DNAH9: variants seen among roughly 807,000 people sequenced by gnomAD.
The protein encoded by DNAH9 is dynein axonemal heavy chain 9, also known as DNAH9 variant protein.
DNAH9 carries 345 observed loss-of-function variants against 471.6 expected under a neutral mutation model. The ratio of observed to expected loss-of-function variants is 0.73; its 90% CI spans 0.67 to 0.80. The LOEUF (loss-of-function observed/expected upper bound fraction) is 0.80, where lower values mean the gene tolerates loss of function less well. Among genes scored for constraint, DNAH9 ranks in the 30% least tolerant of loss-of-function variants. The pLI is 0.00. For synonymous variants in DNAH9, 2,093 were observed against 2,123.6 expected (o/e 0.99, Z 0.40); for missense variants, 5,407 against 5,609.2 (o/e 0.96, Z 1.15).
At chr17:11,909,619 CT>C (rs1379844374) in intron 61 of DNAH9, among the ~76,000 whole-genome samples, 1 of 152,068 alleles carries the variant, frequency 6.6e-6, no homozygotes, top group African/African-American at 2.4e-5. Context: ...GAATAAAAAT[CT>C]TTCAGTGGCA....
chr17:11,645,672 T>G (rs2073368474), intron 11 of DNAH9, among the ~76,000 whole-genome samples: 1 of 152,094 alleles, frequency 6.6e-6, no homozygotes, highest in Non-Finnish European at 1.5e-5. Flanking sequence ...GTTTCAAGCA[T>G]GCTGTTTCTC....
chr17:11,761,432 T>G (rs1308678867), intron 35 of DNAH9, among the ~76,000 whole-genome samples: 4 of 152,188 alleles, frequency 2.6e-5, no homozygotes, highest in African/African-American at 9.6e-5. Context: ...TTTTGGGAGC[T>G]CCTTGGCTCC....
intron 17 of DNAH9, among the ~76,000 whole-genome samples, chr17:11,672,468 G>A (rs2073987274): frequency 6.6e-6 from 1 of 152,124 alleles, no homozygotes; most frequent in African/African-American, 2.4e-5. Context: ...GTAAGGTATG[G>A]TTGCTCTTCA....
chr17:11,797,787 G>T lies in DNAH9; in HGVS notation c.8414G>T (p.Arg2805Leu), dbSNP rs61740362. The T allele has an allele frequency of 6.2e-7, 1 of 1,613,240 alleles. No individual in the cohort carries two copies. Among genetic ancestry groups the T allele is most frequent in the Non-Finnish European group, 8.5e-7 (1 of 1,179,658 alleles). ...MDLVLFEDAMRHVCHINRILE... is the reference protein window; with the variant it reads ...MDLVLFEDAMLHVCHINRILE... ...CTAGTTCTCTTTGAGGATGCCATGCGCCATGTGTAAGTGTGCTTCTCCTCT... is the reference window on the plus strand; with the variant it reads ...CTAGTTCTCTTTGAGGATGCCATGCTCCATGTGTAAGTGTGCTTCTCCTCT... The change falls in exon 43 of 69, where the codon CGC (arginine) becomes CTC (leucine). Residue 2805 changes from arginine to leucine, a missense_variant. This residue lies in a region of DNAH9 where 4,636 missense variants were observed against 4,900.3 expected (regional missense o/e 0.95). Transcript: ENST00000262442.
chr17:11,960,247 C>G (rs1022618324), intron 67 of DNAH9, among the ~76,000 whole-genome samples: 1 of 151,752 alleles, frequency 6.6e-6, no homozygotes, highest in Non-Finnish European at 1.5e-5. Flanking sequence ...ACCAGCATGG[C>G]CAACATGGTG....
At chr17:11,814,290 C>T (rs1970019766) in intron 45 of DNAH9, among the ~76,000 whole-genome samples, 1 of 152,236 alleles carries the variant, frequency 6.6e-6, no homozygotes, top group South Asian at 2.1e-4. Flanking sequence ...CTCCAGCTTT[C>T]CAGCCTTCCA....
intron 17 of DNAH9, among the ~76,000 whole-genome samples, chr17:11,670,719 T>C (rs2073959449): frequency 6.6e-6 from 1 of 152,068 alleles, no homozygotes; most frequent in East Asian, 1.9e-4. Flanking sequence ...TTTTTTTTTT[T>C]TGAGATGCAG....
chr17:11,951,232 T>C (rs1002198751), intron 67 of DNAH9, among the ~76,000 whole-genome samples: 5 of 152,222 alleles, frequency 3.3e-5, no homozygotes, highest in African/African-American at 1.2e-4. Flanking sequence ...AAAAAATGAA[T>C]GCAGTATGGC....
At chr17:11,635,348 T>A (rs1173769189) in intron 8 of DNAH9, among the ~76,000 whole-genome samples, 3 of 128,024 alleles carry the variant, frequency 2.3e-5, no homozygotes, top group African/African-American at 8.5e-5. Flanking sequence ...TTTTTTTTTT[T>A]TTTTTTTTTT....
intron 30 of DNAH9, among the ~76,000 whole-genome samples, chr17:11,743,328 T>A (rs2075460355): frequency 6.6e-6 from 1 of 152,208 alleles, no homozygotes; most frequent in Non-Finnish European, 1.5e-5. Context: ...TCATTTCCTT[T>A]CCCTATTCAT....
chr17:11,752,597 G>A (rs1967205365), intron 32 of DNAH9, among the ~76,000 whole-genome samples: 1 of 152,102 alleles, frequency 6.6e-6, no homozygotes, highest in African/African-American at 2.4e-5. Flanking sequence ...AACCCAGGAG[G>A]CAGAGGTTGC....
chr17:11,632,435 C>A, intron 7 of DNAH9, 152 bp from the exon 8 acceptor site: 1 of 573,966 alleles, frequency 1.7e-6, no homozygotes, highest in Non-Finnish European at 3.1e-6. Context: ...CTCTACATGG[C>A]TAAAAATTAA....
chr17:11,824,324 C>G (rs543445782), intron 48 of DNAH9, among the ~76,000 whole-genome samples: 2 of 152,224 alleles, frequency 1.3e-5, no homozygotes, highest in South Asian at 4.1e-4. Flanking sequence ...TCCTTTTGCC[C>G]CTCTTCAATT....
chr17:11,744,722 C>A, intron 30 of DNAH9, 75 bp from the exon 31 acceptor site: 1 of 1,318,314 alleles, frequency 7.6e-7, no homozygotes, highest in South Asian at 1.3e-5. Flanking sequence ...CATAGCATAT[C>A]TATGATTCTG....
At chr17:11,627,873 G>A (rs898157039) in intron 6 of DNAH9, among the ~76,000 whole-genome samples, 3 of 152,118 alleles carry the variant, frequency 2.0e-5, no homozygotes, top group Non-Finnish European at 2.9e-5. Context: ...ACTTCCCAGC[G>A]CCTCTGTCAC....
At chr17:11,906,030 C>T (rs192864464) in intron 61 of DNAH9, among the ~76,000 whole-genome samples, 13 of 152,302 alleles carry the variant, frequency 8.5e-5, no homozygotes, top group Middle Eastern at 3.4e-3. Context: ...GTCCCAGTTT[C>T]ATGAGGAGGC....
At chr17:11,762,788 T>TTTTTTTTTTTG (rs1597610213) in intron 35 of DNAH9, among the ~76,000 whole-genome samples, 3 of 121,180 alleles carry the variant, frequency 2.5e-5, no homozygotes, top group Non-Finnish European at 1.7e-5. Context: ...TTTTTTTTTT[T>TTTTTTTTTTTG]TTTTTTTTTG....
intron 45 of DNAH9, among the ~76,000 whole-genome samples, chr17:11,820,896 G>C (rs1311469099): frequency 6.6e-6 from 1 of 152,096 alleles, no homozygotes; most frequent in Non-Finnish European, 1.5e-5. Flanking sequence ...TCCCCACTCA[G>C]AGATTATTTC....
intron 14 of DNAH9, among the ~76,000 whole-genome samples, chr17:11,662,946 G>A (rs573613727): frequency 5.0e-4 from 75 of 151,292 alleles, no homozygotes; most frequent in Non-Finnish European, 8.5e-4. Context: ...TAGTAGAGAC[G>A]GGGTTTCACC....
Sources: gnomAD v4.1 joint callset for allele counts (sites outside exome capture counted in the v4.1 genomes callset) on GRCh38, gnomAD v4.1.1 for gene constraint, gnomAD v4.1.1 regional missense constraint, MANE v1.5 for transcripts, NCBI Gene and HGNC (gene_info 2026-07-23, HGNC 2026-07-21) for gene names.